Variants in ESYT1 observed in about 807,000 individuals in gnomAD.
The protein encoded by ESYT1 is extended synaptotagmin-1.
ESYT1 carries 116 observed loss-of-function variants against 154.2 expected under a neutral mutation model. The ratio of observed to expected loss-of-function variants is 0.75; its 90% confidence interval spans 0.65 to 0.88. ESYT1 has a LOEUF of 0.88. ESYT1 is among the 40% of genes least tolerant of loss of function. ESYT1 has a pLI of 0.00. For synonymous variants in ESYT1, 500 were observed against 539.9 expected, an observed-to-expected ratio of 0.93 and a Z score of 1.02; for missense variants, 1,264 against 1,379.3, an observed-to-expected ratio of 0.92 and a Z score of 1.32.
rs769473046 is a variant in ESYT1 at position 56,132,586 on chromosome 12, G to A, written c.1150G>A (p.Glu384Lys). 36 of 1,614,210 alleles carry A rather than the reference G, an allele frequency of 2.2e-5. No individual in the cohort carries two copies. In the South Asian group the frequency reaches 3.3e-4, roughly 15 times the overall value. Reference sequence around the variant, plus strand: ...TGAAGAACTCAACCCACAGTGGGGAGAGACTTATGAGGTGGGAGAGTTGAG... The same window carrying A: ...TGAAGAACTCAACCCACAGTGGGGAAAGACTTATGAGGTGGGAGAGTTGAG... ...IDEELNPQWG[E>K]TYEVMVHEVP... Residue 384 changes from glutamate (E) to lysine (K), a missense_variant, in exon 9 of 31, where the codon GAG becomes AAG. Transcript: ENST00000394048.
chr12:56,138,363 G>A (rs1870549619), intron 21 of ESYT1, 41 bp from the exon 22 acceptor site: 2 of 1,612,080 alleles, frequency 1.2e-6, no homozygotes, highest in Non-Finnish European at 1.7e-6. Flanking sequence ...AGAACCCAAG[G>A]TGTCAGTTAC....
rs1565877584 is a variant in ESYT1 at position 56,143,111 on chromosome 12, CAGA to C, written c.3089_3091del (p.Lys1030del). 5 of 1,614,046 alleles carry C rather than the reference CAGA, an allele frequency of 3.1e-6. No homozygotes were observed. Among genetic ancestry groups the C allele is most frequent in the South Asian group, 1.1e-5 (1 of 91,086 alleles). Reference sequence around the variant, plus strand: ...CCGAGGCACCAAGAGGAGGACCTCACAGAAGAAGAGGACCCTGAGTCCTGAATT... The same window carrying C: ...CCGAGGCACCAAGAGGAGGACCTCACAGAAGAGGACCCTGAGTCCTGAATT... On this transcript the variant is annotated inframe_deletion, in exon 28 of 31. Transcript: ENST00000394048.
chr12:56,132,545 G>T lies in ESYT1; in HGVS notation c.1109G>T (p.Cys370Phe). The T allele has an allele frequency of 6.2e-7, 1 of 1,614,216 alleles. No individual in the cohort carries two copies. Among genetic ancestry groups the T allele is most frequent in the African/African-American group, 1.3e-5 (1 of 75,048 alleles). ...GTGCGTTTGGGTACCCAGACATTCT[G>T]CAGTCGTGTCATTGATGAAGAACTC... ...ALVRLGTQTF[C>F]SRVIDEELNP... Residue 370 changes from cysteine (C) to phenylalanine (F), a missense_variant, in exon 9 of 31, where the codon TGC becomes TTC. Physicochemically the swap from Cys to Phe is radical, Grantham distance 205. Coordinates refer to ENST00000394048, the MANE Select transcript of ESYT1 (RefSeq NM_015292.3).
In ESYT1 at chr12:56,138,165, C is replaced by T. The variant is rs968521591; in HGVS notation, c.2248-18C>T. On this transcript the variant is annotated intron_variant, in intron 20 of 30. Transcript: ENST00000394048. ...CTGTCTGCATATCCCCAAGTCTTCA[C>T]CCTGCCTACTTCCACAGTGGCTGAC... 1 of 1,614,108 alleles carries T rather than the reference C, an allele frequency of 6.2e-7. No homozygotes were observed. Among genetic ancestry groups the T allele is most frequent in the East Asian group, 2.2e-5 (1 of 44,888 alleles).
Position 56,134,127 on chromosome 12 carries a change from G to A in ESYT1, c.1491G>A (p.Lys497=). The A allele has an allele frequency of 6.2e-7, 1 of 1,614,134 alleles. No individual in the cohort carries two copies. Among genetic ancestry groups the A allele is most frequent in the South Asian group, 1.1e-5 (1 of 91,080 alleles). The change falls in exon 14 of 31, where the codon AAG becomes AAA. Residue 497 remains lysine, a synonymous_variant. Coordinates refer to ENST00000394048, the MANE Select transcript of ESYT1 (RefSeq NM_015292.3). ...CACCACAGCTGAAGAAGGGGAACAA[G>A]GAACCCAACCCTATGGTACAACTGT... The part of the protein sequence containing the change: ...AQDLPLKKGN[K]EPNPMVQLSI...
At position 56,132,598 on chromosome 12, in the gene ESYT1, G is replaced by A; in HGVS notation, c.1161+1G>A. ...CCCACAGTGGGGAGAGACTTATGAGGTGGGAGAGTTGAGCAGCTCTGTGAA... is the reference window on the plus strand; with the variant it reads ...CCCACAGTGGGGAGAGACTTATGAGATGGGAGAGTTGAGCAGCTCTGTGAA... On this transcript the variant is annotated splice_donor_variant, in intron 9 of 30. Coordinates refer to ENST00000394048, the MANE Select transcript of ESYT1 (RefSeq NM_015292.3). LOFTEE classifies it high-confidence loss of function. The A allele has an allele frequency of 1.9e-6, 3 of 1,614,206 alleles. No homozygotes were observed. The highest frequency in any genetic ancestry group is 1.1e-5 in the South Asian group (1 of 91,084).
rs1442412217 is a variant in ESYT1 at position 56,128,346 on chromosome 12, C to T, written c.27C>T (p.Pro9=). The stretch of plus-strand genomic sequence containing the variant: ...TGGAGCGATCTCCAGGAGAGGGCCC[C>T]AGCCCCAGCCCCATGGACCAGCCCT... MERSPGEG[P]SPSPMDQPSA... is the part of the protein sequence containing the mutation. Residue 9 remains proline (P), a synonymous_variant, in exon 1 of 31, where the codon CCC becomes CCT. Transcript: ENST00000394048. The T allele has an allele frequency of 6.2e-7, 1 of 1,611,630 alleles. No individual in the cohort carries two copies.
At chr12:56,128,972 G>A (rs1054604304) in intron 1 of ESYT1, 17 of 505,182 alleles carry the variant, frequency 3.4e-5, no homozygotes, top group Middle Eastern at 5.3e-4. Flanking sequence ...GGCAACAGCA[G>A]TAATAACATC....
In ESYT1 at chr12:56,143,615, G is replaced by C; in HGVS notation, c.3261G>C (p.Gln1087His). 1 of 1,614,170 alleles carries C rather than the reference G, an allele frequency of 6.2e-7. No homozygotes were observed. The highest frequency in any genetic ancestry group is 8.5e-7 in the Non-Finnish European group (1 of 1,180,028). ...ACCTAGCTGAGACAGACCTTTCCCA[G>C]GGTGTAGCCCGGTGGTGAGTGTCTG... ...QLDLAETDLSQGVARWYDLMD... is the reference protein window; with the variant it reads ...QLDLAETDLSHGVARWYDLMD... The change falls in exon 30 of 31, where the codon CAG (glutamine) becomes CAC (histidine). Residue 1087 changes from glutamine (Q) to histidine (H), a missense_variant. By Grantham distance (24) the Gln-to-His change is conservative (BLOSUM62 0). Transcript: ENST00000394048.
At chr12:56,131,680 C>A in intron 6 of ESYT1, 69 bp from the exon 7 acceptor site, 1 of 1,606,474 alleles carries the variant, frequency 6.2e-7, no homozygotes, top group Non-Finnish European at 8.5e-7. Context: ...CCGAGGGGTT[C>A]TGGCAACTGT....
chr12:56,141,371 G>A (rs1870676594), intron 24 of ESYT1, among the ~76,000 whole-genome samples: 1 of 152,194 alleles, frequency 6.6e-6, no homozygotes, highest in Admixed American at 6.5e-5. Flanking sequence ...ATAGGAGTAG[G>A]ATGGGCAAGA....
At chr12:56,133,525 C>T in intron 11 of ESYT1, 60 bp downstream of exon 11, 1 of 1,613,274 alleles carries the variant, frequency 6.2e-7, no homozygotes, top group Non-Finnish European at 8.5e-7. Flanking sequence ...ATAGTAGTTG[C>T]TACATTGGTA....
At chr12:56,136,060 CAAAAAAAAAAAA>C (rs72370981) in intron 15 of ESYT1, among the ~76,000 whole-genome samples, 1 of 45,756 alleles carries the variant, frequency 2.2e-5, no homozygotes, top group Admixed American at 2.2e-4. Context: ...ACTCTGTCTC[CAAAAAAAAAAAA>C]AAAAAAAAAA....
rs1870727280 is a variant in ESYT1, at chr12:56,142,196, T to C, written c.2593-89T>C. 1.4e-6 allele frequency: 2 copies of C among 1,475,726 alleles called. No individual in the cohort carries two copies. Among genetic ancestry groups the C allele is most frequent in the Non-Finnish European group, 9.2e-7 (1 of 1,083,108 alleles). The allele number at this position is 1,475,726 out of a possible 1,614,324, so 91.4% of individuals were successfully genotyped here. ...AAGGGAAATCTCACCAAACCACCTA[T>C]GAGTCCAAGCGTTTGGACCTTTAAA... On this transcript the variant is annotated intron_variant, in intron 24 of 30. Transcript: ENST00000394048. This position sits in a 1 kb window ranked among gnomAD's most constrained non-coding sequence, Gnocchi z 4.1.
rs1407266351 is a variant in ESYT1 at position 56,132,600 on chromosome 12, G to A, written c.1161+3G>A. 1.2e-6 allele frequency: 2 copies of A among 1,614,166 alleles called. No homozygotes were observed. Among genetic ancestry groups the A allele is most frequent in the South Asian group, 2.2e-5 (2 of 91,078 alleles). On this transcript the variant is annotated splice_donor_region_variant and intron_variant, in intron 9 of 30. Coordinates refer to ENST00000394048, the MANE Select transcript of ESYT1 (RefSeq NM_015292.3). ...CACAGTGGGGAGAGACTTATGAGGT[G>A]GGAGAGTTGAGCAGCTCTGTGAAAT...
intron 15 of ESYT1, among the ~76,000 whole-genome samples, chr12:56,136,321 A>G (rs1341187943): frequency 1.3e-5 from 2 of 152,010 alleles, no homozygotes; most frequent in Admixed American, 6.6e-5. Context: ...GGGGCCATGG[A>G]TTGGGCAGAG....
At chr12:56,135,470 C>A (rs1339285162) in intron 15 of ESYT1, among the ~76,000 whole-genome samples, 1 of 151,692 alleles carries the variant, frequency 6.6e-6, no homozygotes, top group Non-Finnish European at 1.5e-5. Flanking sequence ...CCGTGCCCGG[C>A]CCAACATTCA....
intron 15 of ESYT1, among the ~76,000 whole-genome samples, chr12:56,135,537 A>C (rs1314097118): frequency 6.6e-6 from 1 of 151,988 alleles, no homozygotes; most frequent in Non-Finnish European, 1.5e-5. Flanking sequence ...CACAATACTC[A>C]CTGGCCAGTT....
chr12:56,139,158 G>A (rs1870588764), intron 24 of ESYT1, 145 bp downstream of exon 24: 1 of 636,652 alleles, frequency 1.6e-6, no homozygotes, highest in Admixed American at 2.7e-5. Flanking sequence ...GCCCAGGCTG[G>A]AGTGCAGTGG....
Sources: allele counts gnomAD v4.1 joint callset (sites outside exome capture counted in the v4.1 genomes callset), GRCh38; gene constraint gnomAD v4.1.1; non-coding constraint Gnocchi (gnomAD v3.1); transcripts MANE v1.5; gene names NCBI Gene and HGNC (gene_info 2026-07-23, HGNC 2026-07-21).